ORC3: variants seen among roughly 807,000 people sequenced by gnomAD.
The protein encoded by ORC3 is homolog of latheo, Drosophila.
In ORC3, 78 loss-of-function variants were observed where a neutral mutation model predicts 100.7. The observed-to-expected ratio is 0.77, with a 90% confidence interval of 0.65 to 0.94. The LOEUF (loss-of-function observed/expected upper bound fraction) is 0.94. Among genes scored for constraint, ORC3 ranks in the 40% least tolerant of loss-of-function variants. The pLI, the probability that ORC3 is intolerant of heterozygous loss-of-function variation, is 0.00. For synonymous variants in ORC3, 295 were observed against 289.3 expected, an observed-to-expected ratio of 1.02 and a Z score of -0.20; for missense variants, 789 against 823.9, an observed-to-expected ratio of 0.96 and a Z score of 0.52.
intron 11 of ORC3, among the ~76,000 whole-genome samples, chr6:87,623,651 G>C (rs1779685392): frequency 6.6e-6 from 1 of 151,774 alleles, no homozygotes; most frequent in Admixed American, 6.6e-5. Context: ...TATGAGGCCT[G>C]GGTGGGTGGA....
intron 13 of ORC3, among the ~76,000 whole-genome samples, chr6:87,642,513 G>T (rs1166664369): frequency 1.3e-5 from 2 of 152,042 alleles, no homozygotes; most frequent in African/African-American, 4.8e-5. Flanking sequence ...AATCCGGGAG[G>T]CAGAGGTTGC....
At chr6:87,604,363 C>A (rs1365656146) in intron 4 of ORC3, among the ~76,000 whole-genome samples, 1 of 152,174 alleles carries the variant, frequency 6.6e-6, no homozygotes, top group Non-Finnish European at 1.5e-5. Flanking sequence ...TGAAATTTTA[C>A]ATTTCTAACA....
At chr6:87,590,384 G>C (rs1776706345) in intron 1 of ORC3, among the ~76,000 whole-genome samples, 192 bp downstream of exon 1, 1 of 152,214 alleles carries the variant, frequency 6.6e-6, no homozygotes, top group Non-Finnish European at 1.5e-5. Context: ...ACGCGGATCT[G>C]CCTTGTGGTA....
chr6:87,656,641 G>A (rs950699236), intron 14 of ORC3, among the ~76,000 whole-genome samples: 2 of 151,672 alleles, frequency 1.3e-5, no homozygotes, highest in African/African-American at 4.8e-5. Context: ...AGGGAGTTTT[G>A]TTAGGTTGTA....
At position 87,638,279 on chromosome 6, in the gene ORC3, G is replaced by A. The variant is rs556686145; in HGVS notation, c.1382+1793G>A. Among the ~76,000 whole-genome samples the A allele has an allele frequency of 1.4e-4, 22 of 152,248 alleles. No individual in the cohort carries two copies. In the South Asian group the frequency reaches 4.6e-3, roughly 32 times the overall value. On this transcript the variant is annotated intron_variant, in intron 13 of 19. Transcript: ENST00000392844. The stretch of plus-strand genomic sequence containing the variant: ...GAGGAAAGGAATTGGGGAACCTCTG[G>A]GCTGGAATCAGCCTTTTCTCCTTTG...
chr6:87,676,200 C>T, the ORC3 span, among the ~76,000 whole-genome samples: 4 of 151,892 alleles, frequency 2.6e-5, no homozygotes, highest in Non-Finnish European at 5.9e-5. Flanking sequence ...TGCGGTGGCT[C>T]ACGCCTGTAA....
At chr6:87,642,162 G>A (rs1768313950) in intron 13 of ORC3, among the ~76,000 whole-genome samples, 1 of 152,128 alleles carries the variant, frequency 6.6e-6, no homozygotes, top group South Asian at 2.1e-4. Context: ...TGAGCGTGGT[G>A]GTGCATGCCT....
chr6:87,602,945 C>CACATATATAATATATATATATAT (rs1778036778), intron 3 of ORC3, among the ~76,000 whole-genome samples: 1 of 114,580 alleles, frequency 8.7e-6, no homozygotes, highest in East Asian at 2.4e-4. Flanking sequence ...TATATATATA[C>CACATATATAATATATATATATAT]ACATATATAA....
chr6:87,668,158 C>T (rs1242592740), downstream of ORC3, among the ~76,000 whole-genome samples: 5 of 152,104 alleles, frequency 3.3e-5, no homozygotes, highest in African/African-American at 4.8e-5. Flanking sequence ...ATGCTCTACT[C>T]CCAAGAGAAT....
At position 87,612,242 on chromosome 6, in the gene ORC3, C is replaced by T. The variant is rs151302588; in HGVS notation, c.867C>T (p.Leu289=). Residue 289 remains leucine, a synonymous_variant, in exon 8 of 20, where the codon CTC becomes CTT. Transcript: ENST00000392844. ...GTAAGGAGCACCTGACTACGGTACT[C>T]GATAAGGTAAAAAGAATAAGTTTTA... ...LSCKEHLTTV[L]DKLLLTTQFP... is the part of the protein sequence containing the mutation. 424 of 1,592,136 alleles carry T rather than the reference C, an allele frequency of 2.7e-4. 2 individuals carry two copies. The African/African-American group carries it at 4.5e-3, about 17-fold the overall frequency.
At chr6:87,602,518 C>T (rs1428571145) in intron 3 of ORC3, among the ~76,000 whole-genome samples, 2 of 151,320 alleles carry the variant, frequency 1.3e-5, no homozygotes, top group Middle Eastern at 3.2e-3. Flanking sequence ...GTTTAATTGC[C>T]TTTCGGAAGG....
Position 87,607,748 on chromosome 6 carries a change from A to G in ORC3, c.503A>G (p.Glu168Gly), listed in dbSNP as rs747488413. The change falls in exon 6 of 20, where the codon GAA becomes GGA. Residue 168 changes from glutamate (E) to glycine (G), a missense_variant. This residue lies in a region of ORC3 where 399 missense variants were observed against 382.0 expected (regional missense o/e 1.04). Transcript: ENST00000392844. ...GTAGATATAAAATCCAAAGAGGAGG[A>G]AAGTGTTCACGTCACCCAAAGAAAG... ...CCVDIKSKEEESVHVTQRKTH... is the reference protein window; with the variant it reads ...CCVDIKSKEEGSVHVTQRKTH... The G allele has an allele frequency of 3.7e-6, 6 of 1,612,368 alleles. No homozygotes were observed. The African/African-American group carries it at 8.0e-5, about 22-fold the overall frequency.
chr6:87,614,902 C>T (rs1397431200), intron 8 of ORC3, among the ~76,000 whole-genome samples: 1 of 152,212 alleles, frequency 6.6e-6, no homozygotes, highest in Admixed American at 6.5e-5. Flanking sequence ...GCCCTCCAAA[C>T]TGTTCCAACC....
Position 87,653,246 on chromosome 6 carries a change from G to C in ORC3, c.1513G>C (p.Asp505His). 6.2e-7 allele frequency: 1 copy of C among 1,613,222 alleles called. No homozygotes were observed. Among genetic ancestry groups the C allele is most frequent in the Non-Finnish European group, 8.5e-7 (1 of 1,179,596 alleles). ...GTTCCTGGCCCAGTTTCAGAGCCTC[G>C]ATGGTAAGAGTGTAATATCCTTCCA... ...EEFLAQFQSL[D>H]ETKEEEDASG... is the part of the protein sequence containing the mutation. Residue 505 changes from aspartate to histidine, a missense_variant, in exon 14 of 20, where the codon GAT (aspartate) becomes CAT (histidine). Physicochemically the swap from Asp to His is moderately conservative, Grantham distance 81 (BLOSUM62 -1). This residue lies in a region of ORC3 where 366 missense variants were observed against 394.2 expected (regional missense o/e 0.93). Coordinates refer to ENST00000392844, the MANE Select transcript of ORC3 (RefSeq NM_012381.4).
At chr6:87,624,899 G>T (rs954772404) in intron 11 of ORC3, among the ~76,000 whole-genome samples, 3 of 152,136 alleles carry the variant, frequency 2.0e-5, no homozygotes, top group Non-Finnish European at 4.4e-5. Flanking sequence ...CTGTGTCCGT[G>T]TGTTCTCATT....
At chr6:87,605,088 CTGTA>C (rs1778231726) in intron 4 of ORC3, among the ~76,000 whole-genome samples, 1 of 152,174 alleles carries the variant, frequency 6.6e-6, no homozygotes, top group Non-Finnish European at 1.5e-5. Context: ...AATTTGATAA[CTGTA>C]TGCGGTGCCC....
At chr6:87,601,722 A>G (rs1777914089) in intron 2 of ORC3, 62 bp from the exon 3 acceptor site, 7 of 975,844 alleles carry the variant, frequency 7.2e-6, no homozygotes, top group Non-Finnish European at 1.1e-5. Context: ...CTTTGCACGT[A>G]AGATCTATAA....
At chr6:87,636,316 A>G (rs1391599383) in intron 12 of ORC3, 91 bp from the exon 13 acceptor site, 1 of 733,060 alleles carries the variant, frequency 1.4e-6, no homozygotes. Context: ...TAATAACATT[A>G]ATTTTTTTTG....
rs749476991 is a variant in ORC3 at position 87,618,811 on chromosome 6, T to G, written c.987+2384T>G. Among the ~76,000 whole-genome samples the G allele has an allele frequency of 1.3e-4, 20 of 152,046 alleles. 1 individual carries two copies. The highest frequency in any genetic ancestry group is 4.1e-4 in the South Asian group (2 of 4,822). ...CTTACTTGACTTGAAGCTGAAAGGT[T>G]AAGAGAGGAGTAAGATGACACAGGC... On this transcript the variant is annotated intron_variant, in intron 9 of 19. Coordinates refer to ENST00000392844, the MANE Select transcript of ORC3 (RefSeq NM_012381.4).
Sources: gnomAD v4.1 joint callset for allele counts (sites outside exome capture counted in the v4.1 genomes callset) on GRCh38, gnomAD v4.1.1 for gene constraint, gnomAD v4.1.1 regional missense constraint, MANE v1.5 for transcripts, NCBI Gene and HGNC (gene_info 2026-07-23, HGNC 2026-07-21) for gene names.